ABCG5: variants seen among roughly 807,000 people sequenced by gnomAD.
The protein encoded by ABCG5 is ATP-binding cassette sub-family G member 5.
A neutral mutation model predicts 64.5 loss-of-function variants in ABCG5; 64 were observed. The observed-to-expected ratio is 0.99, with a 90% CI of 0.81 to 1.22. ABCG5 has a LOEUF of 1.22. Among genes scored for constraint, ABCG5 ranks in the 50% most tolerant of loss-of-function variants. ABCG5 has a pLI of 0.00. For synonymous variants in ABCG5, 385 were observed against 326.3 expected, an observed-to-expected ratio of 1.18 and a Z score of -1.94; for missense variants, 908 against 829.5, an observed-to-expected ratio of 1.09 and a Z score of -1.16.
At chr2:43,807,743 CAAAAAAAAAAA>C (rs536977133), downstream of ABCG5, among the ~76,000 whole-genome samples, 25 of 41,634 alleles carry the variant, frequency 6.0e-4, no homozygotes, top group Non-Finnish European at 7.0e-4. Context: ...TTTGTTAAAG[CAAAAAAAAAAA>C]AAAAAAAAAA....
At chr2:43,823,101 T>A (rs1667346674) in intron 9 of ABCG5, among the ~76,000 whole-genome samples, 166 bp from the exon 10 acceptor site, 1 of 122,682 alleles carries the variant, frequency 8.2e-6, no homozygotes, top group Non-Finnish European at 1.8e-5. Context: ...GGACAATAAA[T>A]CCCCACCCCG....
downstream of ABCG5, chr2:43,809,856 G>C: frequency 6.6e-7 from 1 of 1,504,198 alleles, no homozygotes; most frequent in Non-Finnish European, 8.9e-7. Flanking sequence ...AATATGTGAA[G>C]AAAGTTAAAC....
intron 11 of ABCG5, among the ~76,000 whole-genome samples, chr2:43,817,647 C>G (rs140785694): frequency 1.3e-5 from 2 of 151,984 alleles, no homozygotes; most frequent in African/African-American, 4.8e-5. Context: ...CGGTGGCTCA[C>G]GTCTATAATC....
chr2:43,827,669 T>C (rs1572778356), intron 5 of ABCG5, among the ~76,000 whole-genome samples: 1 of 152,224 alleles, frequency 6.6e-6, no homozygotes. Flanking sequence ...GCCCACACAG[T>C]GGTATTGCCC....
At chr2:43,838,842 T>A, upstream of ABCG5, 5 of 1,372,628 alleles carry the variant, frequency 3.6e-6, no homozygotes, top group Non-Finnish European at 4.0e-6. The surrounding 1 kb of genome is among the most constrained non-coding windows in gnomAD (Gnocchi z 4.2). Context: ...CATTATCTGA[T>A]GTACCTTTAG....
rs114938914 is a variant in ABCG5 at position 43,828,371 on chromosome 2, C to T, written c.502-256G>A. 30,409 of 483,762 alleles carry T rather than the reference C, an allele frequency of 0.063. 1,070 individuals are homozygous for T. Among genetic ancestry groups the T allele is most frequent in the African/African-American group, 0.09 (4,461 of 49,658 alleles). 30.0% of individuals were successfully genotyped at this position (483,762 alleles called of 1,614,324 possible). A position where few individuals can be genotyped will look rare whatever the true frequency, so the allele number is the denominator to read the frequency against. ...TCCCCAGAGGCTGGGTGCAGTGGCT[C>T]ATGCCTGTAATCCCAATACTTTGGA... On this transcript the variant is annotated intron_variant, in intron 4 of 12. Coordinates refer to ENST00000405322, the MANE Select transcript of ABCG5 (RefSeq NM_022436.3).
intron 11 of ABCG5, among the ~76,000 whole-genome samples, chr2:43,816,723 T>C (rs1666857473): frequency 6.6e-6 from 1 of 152,188 alleles, no homozygotes; most frequent in South Asian, 2.1e-4. Flanking sequence ...CATATTATGT[T>C]GTTAAATGGG....
intron 6 of ABCG5, 92 bp downstream of exon 6, chr2:43,826,290 G>A: frequency 1.9e-6 from 3 of 1,586,220 alleles, no homozygotes; most frequent in Non-Finnish European, 2.6e-6. Flanking sequence ...GTGAGCCACT[G>A]TGCCTGGCCA....
intron 11 of ABCG5, among the ~76,000 whole-genome samples, chr2:43,817,873 G>A (rs1316999328): frequency 6.6e-6 from 1 of 152,126 alleles, no homozygotes; most frequent in East Asian, 1.9e-4. Context: ...TCGCGCCACT[G>A]CATTCCAGCC....
At chr2:43,806,298 G>A in the ABCG5 span, among the ~76,000 whole-genome samples, 2 of 152,138 alleles carry the variant, frequency 1.3e-5, no homozygotes, top group Non-Finnish European at 2.9e-5. Flanking sequence ...GCACTAGATC[G>A]AAAGCCCCAG....
At chr2:43,809,645 G>C, downstream of ABCG5, 2 of 1,207,608 alleles carry the variant, frequency 1.7e-6, no homozygotes, top group East Asian at 4.7e-5. Context: ...GCAGTTTTAA[G>C]GTGCCTCCTT....
At chr2:43,837,280 T>G (rs889497827) in intron 2 of ABCG5, among the ~76,000 whole-genome samples, 13 of 151,194 alleles carry the variant, frequency 8.6e-5, no homozygotes, top group Non-Finnish European at 1.8e-4. Flanking sequence ...CCACCATGCC[T>G]GGCTAACTTT....
chr2:43,833,619 C>T (rs574380978), intron 2 of ABCG5, among the ~76,000 whole-genome samples: 7 of 151,686 alleles, frequency 4.6e-5, no homozygotes, highest in South Asian at 2.1e-4. Context: ...CTCCTGACCT[C>T]GTGATCTGCC....
intron 11 of ABCG5, among the ~76,000 whole-genome samples, chr2:43,815,697 C>T (rs1666768858): frequency 6.6e-6 from 1 of 152,048 alleles, no homozygotes; most frequent in South Asian, 2.1e-4. Context: ...ATGGGACTGA[C>T]TGGACCAGAA....
chr2:43,825,596 G>C (rs1191959917), intron 6 of ABCG5, among the ~76,000 whole-genome samples: 1 of 151,066 alleles, frequency 6.6e-6, no homozygotes, highest in Non-Finnish European at 1.5e-5. Context: ...ATTTGTTGTT[G>C]TTTTGTTGTT....
At chr2:43,828,451 C>T in intron 4 of ABCG5, 3 of 236,004 alleles carry the variant, frequency 1.3e-5, no homozygotes, top group South Asian at 8.3e-5. Context: ...GCTTGGGCAA[C>T]AAAGAGAGAC....
In ABCG5 at chr2:43,838,010, C is replaced by T. The variant is rs1163002354; in HGVS notation, c.144-55G>A. 21 of 1,611,122 alleles carry T rather than the reference C, an allele frequency of 1.3e-5. No homozygotes were observed. Among genetic ancestry groups the T allele is most frequent in the Non-Finnish European group, 1.8e-5 (21 of 1,178,370 alleles). ...CAGCTTGGGGCCCTGGAAGGGGCCA[C>T]ACCCAGGTCCCCAGCATTGATCCTA... On this transcript the variant is annotated intron_variant, in intron 1 of 12. Coordinates refer to ENST00000405322, the MANE Select transcript of ABCG5 (RefSeq NM_022436.3). The surrounding 1 kb of genome is among the most constrained non-coding windows in gnomAD (Gnocchi z 4.2).
chr2:43,825,263 GC>G (rs1175360986), intron 6 of ABCG5, among the ~76,000 whole-genome samples: 2 of 152,176 alleles, frequency 1.3e-5, no homozygotes, highest in Admixed American at 1.3e-4. Context: ...GGGTCATGCT[GC>G]CTCCCATCCT....
chr2:43,808,964 TACAC>T (rs56090427), downstream of ABCG5, among the ~76,000 whole-genome samples: 17,563 of 145,330 alleles, frequency 0.12, 1,057 homozygotes, highest in Middle Eastern at 0.18. Flanking sequence ...GGACAAAGGA[TACAC>T]ACACACACAC....
Sources: gnomAD v4.1 joint callset for allele counts (sites outside exome capture counted in the v4.1 genomes callset) on GRCh38, gnomAD v4.1.1 for gene constraint, Gnocchi (gnomAD v3.1) non-coding constraint, MANE v1.5 for transcripts, NCBI Gene and HGNC (gene_info 2026-07-23, HGNC 2026-07-21) for gene names.